Variants in NDUFA10 observed in about 807,000 individuals in gnomAD.
NDUFA10 encodes NADH:ubiquinone oxidoreductase subunit A10.
In NDUFA10, 40 loss-of-function variants were observed where a neutral mutation model predicts 47.8. The observed-to-expected ratio is 0.84, with a 90% CI of 0.65 to 1.09. The LOEUF is 1.09. Ranked by LOEUF, NDUFA10 falls within the 50% of genes least tolerant of loss-of-function variation. The probability of loss-of-function intolerance (pLI) is 0.00; values close to 1 mark genes in which losing one functional copy is unlikely to be tolerated. For synonymous variants in NDUFA10, 183 were observed against 172.2 expected, an observed-to-expected ratio of 1.06 and a Z score of -0.49; for missense variants, 413 against 451.1, an observed-to-expected ratio of 0.92 and a Z score of 0.76.
At chr2:239,949,640 C>A (rs62185253) in intron 4 of NDUFA10, among the ~76,000 whole-genome samples, 1 of 151,542 alleles carries the variant, frequency 6.6e-6, no homozygotes, top group Non-Finnish European at 1.5e-5. Flanking sequence ...ACAACAGGCG[C>A]GTGCCACCAC....
intron 4 of NDUFA10, among the ~76,000 whole-genome samples, chr2:240,017,645 A>G (rs1697417351): frequency 6.6e-6 from 1 of 152,100 alleles, no homozygotes; most frequent in African/African-American, 2.4e-5. Context: ...CACTCCAGAA[A>G]CACTTGCTGG....
chr2:239,961,626 T>C (rs1000195983), intron 9 of NDUFA10, among the ~76,000 whole-genome samples: 2 of 152,142 alleles, frequency 1.3e-5, no homozygotes, highest in Non-Finnish European at 2.9e-5. Context: ...TGAAATTCCC[T>C]CTGAAGAGGG....
chr2:240,010,297 A>G (rs1697092056), intron 6 of NDUFA10, among the ~76,000 whole-genome samples: 1 of 152,224 alleles, frequency 6.6e-6, no homozygotes, highest in Non-Finnish European at 1.5e-5. Context: ...ACCAAGTGGT[A>G]AGAAATAAAT....
At chr2:239,971,851 G>A (rs1463066597) in intron 9 of NDUFA10, among the ~76,000 whole-genome samples, 3 of 152,132 alleles carry the variant, frequency 2.0e-5, no homozygotes, top group African/African-American at 7.2e-5. Flanking sequence ...CTTATACGAG[G>A]TTTTACTGAA....
chr2:239,998,515 C>A (rs1357017898), intron 8 of NDUFA10, among the ~76,000 whole-genome samples: 1 of 141,716 alleles, frequency 7.1e-6, no homozygotes, highest in Admixed American at 7.4e-5. Flanking sequence ...GGCCTCCTTG[C>A]GAGGCTGGCC....
intron 8 of NDUFA10, among the ~76,000 whole-genome samples, chr2:240,003,608 A>T (rs1445344125): frequency 6.6e-6 from 1 of 152,206 alleles, no homozygotes; most frequent in East Asian, 1.9e-4. Context: ...CTTGATTTAT[A>T]AATAATCAGA....
intron 9 of NDUFA10, among the ~76,000 whole-genome samples, chr2:239,968,096 T>G (rs1695155493): frequency 6.6e-6 from 1 of 152,118 alleles, no homozygotes. Context: ...AAGCCAGTCC[T>G]CTCTTCTCTG....
rs577984925 is a variant in NDUFA10 at position 240,018,154 on chromosome 2, C to A, written c.547+399G>T. Among the ~76,000 whole-genome samples, 10 of 152,322 alleles carry A rather than the reference C, an allele frequency of 6.6e-5. No homozygotes were observed. In the South Asian group the frequency reaches 2.1e-3, roughly 32 times the overall value. On this transcript the variant is annotated intron_variant, in intron 4 of 9. Transcript: ENST00000252711. The stretch of plus-strand genomic sequence containing the variant: ...GCACTGTGATGATGCTGGCAACTGG[C>A]AGGGCTAACATCCCAATTCATCAAA...
downstream of NDUFA10, among the ~76,000 whole-genome samples, chr2:239,954,231 G>C (rs1390718021): frequency 1.0e-4 from 15 of 146,886 alleles, no homozygotes; most frequent in African/African-American, 4.0e-4. Context: ...AGGACTGTGA[G>C]AGTGGGTTCC....
At chr2:239,909,340 C>T (rs570975680) in intron 4 of NDUFA10, among the ~76,000 whole-genome samples, 3 of 152,328 alleles carry the variant, frequency 2.0e-5, no homozygotes, top group East Asian at 3.9e-4. Context: ...AGGCCAGGGA[C>T]GGCAGCTCAC....
chr2:240,003,295 G>A (rs371226936), intron 8 of NDUFA10, among the ~76,000 whole-genome samples: 17 of 152,156 alleles, frequency 1.1e-4, no homozygotes, highest in Admixed American at 6.5e-4. Flanking sequence ...AAGCACCAAC[G>A]GCCTAAGAAC....
chr2:239,901,430 G>A lies in NDUFA10; in HGVS notation c.295-6116C>T, dbSNP rs78853426. 7.2e-3 allele frequency among the ~76,000 whole-genome samples: 1,101 copies of A among 152,106 alleles called. 7 individuals carry two copies. The highest frequency in any genetic ancestry group is 0.015 in the Admixed American group (224 of 15,260). On this transcript the variant is annotated intron_variant, in intron 4 of 5. Transcript: ENST00000419408. ...CACATCTCTTTATAGCATGATTCAC[G>A]AAGTATTTTAAGCCCACTGTTGTGA...
chr2:239,966,586 A>G (rs1464478973), intron 9 of NDUFA10, among the ~76,000 whole-genome samples: 1 of 152,074 alleles, frequency 6.6e-6, no homozygotes, highest in Non-Finnish European at 1.5e-5. Context: ...CATCAAACCC[A>G]CTCGTGATTT....
intron 4 of NDUFA10, among the ~76,000 whole-genome samples, chr2:239,931,321 G>A (rs1470629167): frequency 6.6e-6 from 1 of 152,208 alleles, no homozygotes; most frequent in African/African-American, 2.4e-5. Context: ...TCCAGCCCCT[G>A]CCCGTCCTCA....
Position 239,981,522 on chromosome 2 carries a change from T to A in NDUFA10, c.999+8552A>T, listed in dbSNP as rs368129870. 5.9e-5 allele frequency among the ~76,000 whole-genome samples: 9 copies of A among 152,194 alleles called. No individual in the cohort carries two copies. The East Asian group carries it at 1.7e-3, about 29-fold the overall frequency. On this transcript the variant is annotated intron_variant, in intron 9 of 9. Transcript: ENST00000252711. ...AAAGAAAAATTCAAATCTAGACCCA[T>A]CTCACAAAACTACAAAAACACTAAA...
At chr2:239,901,521 C>CG (rs926736836) in intron 4 of NDUFA10, among the ~76,000 whole-genome samples, 3 of 151,998 alleles carry the variant, frequency 2.0e-5, no homozygotes, top group African/African-American at 7.2e-5. Context: ...CACCTGCCCC[C>CG]CAAGAGCTCT....
rs186132105 is a variant in NDUFA10, at chr2:239,907,296, C to T, written c.295-11982G>A. Among the ~76,000 whole-genome samples the T allele has an allele frequency of 3.6e-3, 552 of 151,780 alleles. 6 individuals carry two copies. The highest frequency in any genetic ancestry group is 0.012 in the African/African-American group (518 of 41,486). On this transcript the variant is annotated intron_variant, in intron 4 of 5. Coordinates refer to the NDUFA10 transcript ENST00000419408. Reference sequence around the variant, plus strand: ...AAGACTTAAATGTTAGACCTAAAACCGAAGAAAACCTAGACAATATCATTC... The same window carrying T: ...AAGACTTAAATGTTAGACCTAAAACTGAAGAAAACCTAGACAATATCATTC...
chr2:239,997,764 T>C (rs761130035), intron 8 of NDUFA10, among the ~76,000 whole-genome samples: 1 of 152,232 alleles, frequency 6.6e-6, no homozygotes, highest in African/African-American at 2.4e-5. Flanking sequence ...AATGGCCGGA[T>C]AGCAAATACC....
At chr2:240,017,730 G>C in intron 4 of NDUFA10, 1 of 1,091,052 alleles carries the variant, frequency 9.2e-7, no homozygotes, top group African/African-American at 1.5e-5. Flanking sequence ...GTGCTCTTGC[G>C]GGCGGCAAGC....
Sources: gnomAD v4.1 joint callset for allele counts (sites outside exome capture counted in the v4.1 genomes callset) on GRCh38, gnomAD v4.1.1 for gene constraint, MANE v1.5 for transcripts, NCBI Gene and HGNC (gene_info 2026-07-23, HGNC 2026-07-21) for gene names.